Variants in OSCP1 observed in about 807,000 individuals in gnomAD.
The protein encoded by OSCP1 is protein OSCP1.
A neutral mutation model predicts 45.1 loss-of-function variants in OSCP1; 35 were observed. The observed-to-expected ratio is 0.78, with a 90% CI of 0.59 to 1.03. The LOEUF (loss-of-function observed/expected upper bound fraction) is 1.03. Ranked by LOEUF, OSCP1 falls within the 50% of genes least tolerant of loss-of-function variation. The pLI is 0.00. For missense variants in OSCP1, 400 were observed against 470.7 expected (o/e 0.85, Z 1.39); for synonymous variants, 179 against 180.1 (o/e 0.99, Z 0.05).
intron 6 of OSCP1, among the ~76,000 whole-genome samples, 182 bp downstream of exon 6, chr1:36,422,586 T>C (rs1271091211): frequency 2.0e-5 from 3 of 152,210 alleles, no homozygotes; most frequent in Non-Finnish European, 4.4e-5. Context: ...AGTTGCCTTA[T>C]GTTTGGCGTT....
chr1:36,441,787 AT>A (rs1649189868), intron 1 of OSCP1, among the ~76,000 whole-genome samples: 1 of 139,334 alleles, frequency 7.2e-6, no homozygotes, highest in South Asian at 2.2e-4. Context: ...TTTGTTTTTT[AT>A]TTTTTTCCCT....
intron 1 of OSCP1, among the ~76,000 whole-genome samples, chr1:36,449,976 G>C (rs1649796181): frequency 6.7e-6 from 1 of 149,572 alleles, no homozygotes; most frequent in Admixed American, 6.8e-5. Flanking sequence ...TGATTGACAA[G>C]AGAGACTGGG....
chr1:36,444,062 C>T (rs747467133), intron 1 of OSCP1: 1 of 1,605,800 alleles, frequency 6.2e-7, no homozygotes, highest in East Asian at 2.2e-5. Context: ...AAGAAAACAC[C>T]AGTTCATGAA....
chr1:36,431,935 T>A, intron 3 of OSCP1, 53 bp from the exon 4 acceptor site: 1 of 1,545,814 alleles, frequency 6.5e-7, no homozygotes, highest in Non-Finnish European at 8.9e-7. Flanking sequence ...GGATGAGTAG[T>A]ACGCACCGGC....
rs139567315 is a variant in OSCP1, at chr1:36,438,825, G to A, written c.198C>T (p.Ala66=). The change falls in exon 2 of 10, where the codon GCC becomes GCT. Residue 66 remains alanine, a synonymous_variant. Transcript: ENST00000235532. ...CCAGGCGCTCATAGACAGTCCTCAG[G>A]GCCTTCTTGGAGTAGAGCTCTTGAG... The part of the protein sequence containing the change: ...FKPQELYSKK[A]LRTVYERLAH... 1,024 of 1,614,132 alleles carry A rather than the reference G, an allele frequency of 6.3e-4. 1 individual carries two copies. Among genetic ancestry groups the A allele is most frequent in the South Asian group, 1.4e-3 (123 of 91,064 alleles).
At chr1:36,438,322 A>AAT (rs1258958548) in intron 2 of OSCP1, among the ~76,000 whole-genome samples, 1 of 149,694 alleles carries the variant, frequency 6.7e-6, no homozygotes, top group Non-Finnish European at 1.5e-5. Flanking sequence ...CATCTCAAAA[A>AAT]AAAAAAAAAA....
chr1:36,432,146 C>T (rs145361986), intron 3 of OSCP1, among the ~76,000 whole-genome samples: 26 of 152,328 alleles, frequency 1.7e-4, no homozygotes, highest in African/African-American at 6.3e-4. Flanking sequence ...TTTAGCAGAA[C>T]ATCCACCACC....
chr1:36,422,171 C>A lies in OSCP1; in HGVS notation c.798G>T (p.Lys266Asn). 1.2e-6 allele frequency: 2 copies of A among 1,614,138 alleles called. No homozygotes were observed. The highest frequency in any genetic ancestry group is 1.7e-6 in the Non-Finnish European group (2 of 1,180,010). ...PVETHVSGSSKNLASWTQESI... is the reference protein window; with the variant it reads ...PVETHVSGSSNNLASWTQESI... ...TCACCTGGGTCCATGAGGCTAAGTTCTTTGATGATCCAGACACATGAGTTT... is the reference window on the plus strand; with the variant it reads ...TCACCTGGGTCCATGAGGCTAAGTTATTTGATGATCCAGACACATGAGTTT... The change falls in exon 7 of 10, where the codon AAG becomes AAT. Residue 266 changes from lysine (K) to asparagine (N), a missense_variant. By Grantham distance (94) the Lys-to-Asn change is moderately conservative (BLOSUM62 0). Coordinates refer to ENST00000235532, the MANE Select transcript of OSCP1 (RefSeq NM_145047.5).
At chr1:36,429,270 C>A (rs1046910218) in intron 4 of OSCP1, among the ~76,000 whole-genome samples, 1 of 151,932 alleles carries the variant, frequency 6.6e-6, no homozygotes, top group East Asian at 1.9e-4. Context: ...TCCTGTAGTC[C>A]CAGTTACTCG....
chr1:36,438,767 T>A lies in OSCP1; in HGVS notation c.256A>T (p.Ser86Cys). Residue 86 changes from serine to cysteine, a missense_variant, in exon 2 of 10, where the codon AGC becomes TGC. Physicochemically the swap from Ser to Cys is moderately radical, Grantham distance 112 (BLOSUM62 -1). Coordinates refer to ENST00000235532, the MANE Select transcript of OSCP1 (RefSeq NM_145047.5). ...HASIMKLNQASMDKLYDLMTM... is the reference protein window; with the variant it reads ...HASIMKLNQACMDKLYDLMTM... Reference sequence around the variant, plus strand: ...AGCTGTCTGCTCACCTTATCCATGCTGGCCTGGTTCAGTTTCATAATGGAG... The same window carrying A: ...AGCTGTCTGCTCACCTTATCCATGCAGGCCTGGTTCAGTTTCATAATGGAG... 6.2e-7 allele frequency: 1 copy of A among 1,610,268 alleles called. No individual in the cohort carries two copies. Among genetic ancestry groups the A allele is most frequent in the Admixed American group, 1.7e-5 (1 of 59,130 alleles).
At chr1:36,431,020 G>C (rs907912309) in intron 4 of OSCP1, among the ~76,000 whole-genome samples, 2 of 152,204 alleles carry the variant, frequency 1.3e-5, no homozygotes, top group Non-Finnish European at 2.9e-5. Flanking sequence ...TGACATTCTG[G>C]TTCTGAGTCA....
rs756885060 is a variant in OSCP1, at chr1:36,422,816, C to A, written c.701G>T (p.Gly234Val). 3.7e-6 allele frequency: 6 copies of A among 1,607,074 alleles called. No individual in the cohort carries two copies. The African/African-American group carries it at 4.0e-5, about 11-fold the overall frequency. The change falls in exon 6 of 10, where the codon GGT becomes GTT. Residue 234 changes from glycine to valine, a missense_variant. Coordinates refer to ENST00000235532, the MANE Select transcript of OSCP1 (RefSeq NM_145047.5). ...TCGGTCTCCATAAAGTTCAAAAGAA[C>A]CTTCTTTGGGTGCAGGGACATAGTT... ...GGNYVPAPKE[G>V]SFELYGDRVL...
intron 1 of OSCP1, among the ~76,000 whole-genome samples, chr1:36,449,606 G>T (rs1288651065): frequency 6.6e-6 from 1 of 151,886 alleles, no homozygotes; most frequent in Non-Finnish European, 1.5e-5. Context: ...GGAGGCCGAG[G>T]GGGGCAGATC....
chr1:36,448,160 C>T (rs960765065), intron 1 of OSCP1, among the ~76,000 whole-genome samples: 1 of 152,312 alleles, frequency 6.6e-6, no homozygotes. Flanking sequence ...ATAGAGGTTA[C>T]ACCCAAAGGG....
intron 2 of OSCP1, among the ~76,000 whole-genome samples, chr1:36,433,268 C>T (rs1227630513): frequency 6.6e-6 from 1 of 152,074 alleles, no homozygotes. Context: ...ATATAGCCCT[C>T]GAGGCAGCTG....
chr1:36,441,474 C>T (rs1304860890), intron 1 of OSCP1, among the ~76,000 whole-genome samples: 1 of 152,000 alleles, frequency 6.6e-6, no homozygotes, highest in African/African-American at 2.4e-5. Flanking sequence ...AGCGTACGGG[C>T]GCGGTGGCTC....
intron 4 of OSCP1, among the ~76,000 whole-genome samples, chr1:36,430,485 C>T (rs766361474): frequency 7.9e-5 from 12 of 151,904 alleles, no homozygotes; most frequent in South Asian, 4.1e-4. Context: ...GAGAGGAAGG[C>T]GTGCCAGGGC....
rs146099595 is a variant in OSCP1, at chr1:36,432,531, T to C, written c.326A>G (p.Lys109Arg). The C allele has an allele frequency of 6.2e-7, 1 of 1,614,148 alleles. No homozygotes were observed. The highest frequency in any genetic ancestry group is 8.5e-7 in the Non-Finnish European group (1 of 1,180,018). Reference protein sequence around the residue: ...KYQVLLCPRPKDVLLVTFNHL... With the variant: ...KYQVLLCPRPRDVLLVTFNHL... The stretch of plus-strand genomic sequence containing the variant: ...ATTGAAAGTGACCAGCAGCACATCC[T>C]TGGGTCGGGGACACAGCAATACTTG... The change falls in exon 3 of 10, where the codon AAG becomes AGG. Residue 109 changes from lysine to arginine, a missense_variant. Coordinates refer to ENST00000235532, the MANE Select transcript of OSCP1 (RefSeq NM_145047.5).
chr1:36,427,541 T>A (rs1211455289), intron 4 of OSCP1, among the ~76,000 whole-genome samples: 2 of 149,090 alleles, frequency 1.3e-5, no homozygotes, highest in African/African-American at 4.9e-5. Flanking sequence ...ATGGTCTCGA[T>A]CTCTTGACCT....
Sources: allele counts gnomAD v4.1 joint callset (sites outside exome capture counted in the v4.1 genomes callset), GRCh38; gene constraint gnomAD v4.1.1; transcripts MANE v1.5; gene names NCBI Gene and HGNC (gene_info 2026-07-23, HGNC 2026-07-21).